PROS1: variants seen among roughly 807,000 people sequenced by gnomAD.
The protein encoded by PROS1 is vitamin K-dependent protein S.
In PROS1, 29 loss-of-function variants were observed where a neutral mutation model predicts 75.9. That is an observed-to-expected ratio of 0.38 (90% CI 0.28 to 0.52). PROS1 has a LOEUF of 0.52. Ranked by LOEUF, PROS1 falls within the 20% of genes least tolerant of loss-of-function variation. The probability of loss-of-function intolerance (pLI) is 0.83; values close to 1 mark genes in which losing one functional copy is unlikely to be tolerated. For synonymous variants in PROS1, 245 were observed against 280.6 expected (o/e 0.87, Z 1.27); for missense variants, 680 against 810.3 (o/e 0.84, Z 1.95).
At chr3:93,972,513 G>C (rs1314880435) in intron 1 of PROS1, among the ~76,000 whole-genome samples, 2 of 152,052 alleles carry the variant, frequency 1.3e-5, no homozygotes, top group African/African-American at 4.8e-5. Context: ...TCTCACTCCT[G>C]TTCCAATCCC....
At chr3:93,890,010 T>C (rs1372745603) in intron 10 of PROS1, among the ~76,000 whole-genome samples, 2 of 152,124 alleles carry the variant, frequency 1.3e-5, no homozygotes, top group African/African-American at 4.8e-5. Context: ...AGGGAAGATA[T>C]TGCTAAATTC....
intron 3 of PROS1, among the ~76,000 whole-genome samples, chr3:93,919,283 T>A (rs1001542520): frequency 6.6e-6 from 1 of 152,206 alleles, no homozygotes; most frequent in Non-Finnish European, 1.5e-5. Context: ...GATTTCTACA[T>A]CCTTGCTTTC....
chr3:93,874,020 G>C lies in PROS1; in HGVS notation c.*225C>G. ...AGGAAAAAAATTCAAATTTAAAATT[G>C]TTATTTTTCACTATTCTTAGATAGC... On this transcript the variant is annotated 3_prime_UTR_variant, in exon 15 of 15. Coordinates refer to ENST00000394236, the MANE Select transcript of PROS1 (RefSeq NM_000313.4). 1 of 468,966 alleles carries C rather than the reference G, an allele frequency of 2.1e-6. No individual in the cohort carries two copies. Among genetic ancestry groups the C allele is most frequent in the South Asian group, 4.0e-5 (1 of 24,800 alleles). The allele number at this position is 468,966 out of a possible 1,614,324, so 29.1% of individuals were successfully genotyped here. A position where few individuals can be genotyped will look rare whatever the true frequency, so the allele number is the denominator to read the frequency against.
chr3:93,969,393 C>T (rs1156265251), intron 1 of PROS1, among the ~76,000 whole-genome samples: 2 of 152,108 alleles, frequency 1.3e-5, no homozygotes, highest in Non-Finnish European at 2.9e-5. Flanking sequence ...TGTTAGACAG[C>T]CAATAATTAG....
chr3:93,955,980 T>G (rs771111244), intron 1 of PROS1, among the ~76,000 whole-genome samples: 81 of 152,200 alleles, frequency 5.3e-4, no homozygotes, highest in Non-Finnish European at 1.9e-4. Context: ...CCTGACTATA[T>G]AACAGAAGAT....
At chr3:93,953,710 T>C (rs1363849990) in intron 1 of PROS1, among the ~76,000 whole-genome samples, 1 of 152,028 alleles carries the variant, frequency 6.6e-6, no homozygotes, top group Non-Finnish European at 1.5e-5. Context: ...CAAAATAGGG[T>C]TGGAAGTTCT....
Position 93,893,002 on chromosome 3 carries a change from C to A in PROS1, c.1086G>T (p.Gln362His), listed in dbSNP as rs1353205884. 5 of 1,613,612 alleles carry A rather than the reference C, an allele frequency of 3.1e-6. No homozygotes were observed. The highest frequency in any genetic ancestry group is 4.2e-6 in the Non-Finnish European group (5 of 1,179,912). Residue 362 changes from glutamine to histidine, a missense_variant, in exon 10 of 15, where the codon CAG becomes CAT. Gln to His is a conservative substitution (Grantham distance 24, BLOSUM62 0). Transcript: ENST00000394236. ...TTTTGGATGTATGTTCATTCTTAAG[C>A]TGAACTTCAATCTTTCCACCACGAA... ...IALRGGKIEV[Q>H]LKNEHTSKIT...
At chr3:93,928,737 C>A in intron 1 of PROS1, 1 of 1,295,504 alleles carries the variant, frequency 7.7e-7, no homozygotes, top group African/African-American at 1.5e-5. Flanking sequence ...TCCAGATAAG[C>A]CGACCAATAC....
rs1190331057 is a variant in PROS1, at chr3:93,904,813, G to GA, written c.601+970dup. Among the ~76,000 whole-genome samples the GA allele has an allele frequency of 6.6e-5, 10 of 151,210 alleles. No individual in the cohort carries two copies. In the East Asian group the frequency reaches 1.9e-3, roughly 29 times the overall value. On this transcript the variant is annotated intron_variant, in intron 6 of 14. Coordinates refer to ENST00000394236, the MANE Select transcript of PROS1 (RefSeq NM_000313.4). ...CAAACTGAAAGACAGTATACAAAGA[G>GA]AAAAAAAGTCAAAATTTAGGGATAG...
chr3:93,968,445 C>G (rs1709822133), intron 1 of PROS1, among the ~76,000 whole-genome samples: 1 of 152,162 alleles, frequency 6.6e-6, no homozygotes, highest in Non-Finnish European at 1.5e-5. Flanking sequence ...TTCCTGATAC[C>G]TTGATTTTGG....
At chr3:93,950,350 G>A (rs575202515) in intron 1 of PROS1, among the ~76,000 whole-genome samples, 167 of 152,274 alleles carry the variant, frequency 1.1e-3, no homozygotes, top group South Asian at 2.1e-3. Context: ...CTCCCAGCAC[G>A]GAGTTTGATA....
intron 1 of PROS1, among the ~76,000 whole-genome samples, chr3:93,965,938 A>C (rs1576220956): frequency 6.6e-6 from 1 of 152,042 alleles, no homozygotes; most frequent in South Asian, 2.1e-4. Context: ...CAAGTGATCC[A>C]CCTGCCTCGG....
intron 3 of PROS1, among the ~76,000 whole-genome samples, chr3:93,921,114 C>T (rs1708938508): frequency 6.6e-6 from 1 of 152,110 alleles, no homozygotes; most frequent in African/African-American, 2.4e-5. Context: ...AAACTCCTGG[C>T]CTCAAGTGAT....
intron 4 of PROS1, among the ~76,000 whole-genome samples, chr3:93,906,591 G>A (rs138857162): frequency 6.6e-6 from 1 of 152,248 alleles, no homozygotes; most frequent in Non-Finnish European, 1.5e-5. Context: ...GGCTGCACGT[G>A]CCATGGAGCT....
At chr3:93,927,478 AAG>A (rs1251488373) in intron 1 of PROS1, 71 bp from the exon 2 acceptor site, 1 of 1,485,080 alleles carries the variant, frequency 6.7e-7, no homozygotes, top group Non-Finnish European at 9.2e-7. Flanking sequence ...ATTAAACAAT[AAG>A]AGTTAAAATC....
At chr3:93,880,332 C>T (rs1382311458) in intron 12 of PROS1, among the ~76,000 whole-genome samples, 1 of 151,822 alleles carries the variant, frequency 6.6e-6, no homozygotes, top group Non-Finnish European at 1.5e-5. Context: ...AACATCTCTA[C>T]TGAAAAAAAA....
chr3:93,931,601 G>C (rs1709106043), intron 1 of PROS1, among the ~76,000 whole-genome samples: 2 of 152,168 alleles, frequency 1.3e-5, no homozygotes, highest in Non-Finnish European at 2.9e-5. Context: ...TATTCTGAGA[G>C]AAGTACTTTA....
chr3:93,938,067 G>A (rs1247970892), intron 1 of PROS1, among the ~76,000 whole-genome samples: 5 of 152,174 alleles, frequency 3.3e-5, no homozygotes, highest in African/African-American at 1.2e-4. Flanking sequence ...TCAGGCCTCT[G>A]AGCCCAAGCT....
intron 3 of PROS1, among the ~76,000 whole-genome samples, chr3:93,915,984 CAG>C (rs775069503): frequency 3.3e-5 from 5 of 152,192 alleles, no homozygotes; most frequent in Middle Eastern, 3.4e-3. Flanking sequence ...ATTGCTATAA[CAG>C]AATACCACAG....
Sources: allele counts gnomAD v4.1 joint callset (sites outside exome capture counted in the v4.1 genomes callset), GRCh38; gene constraint gnomAD v4.1.1; transcripts MANE v1.5; gene names NCBI Gene and HGNC (gene_info 2026-07-23, HGNC 2026-07-21).